Variants in EYS observed in about 807,000 individuals in gnomAD.
The protein encoded by EYS is EGF-like photoreceptor maintenance factor, also known as protein eyes shut homolog.
A neutral mutation model predicts 282.1 loss-of-function variants in EYS; 250 were observed. That is an observed-to-expected ratio of 0.89 (90% CI 0.80 to 0.98). EYS has a LOEUF of 0.98. Among genes scored for constraint, EYS ranks in the 50% least tolerant of loss-of-function variants. The pLI is 0.00. For synonymous variants in EYS, 1,355 were observed against 1,282.9 expected (o/e 1.06, Z -1.20); for missense variants, 4,016 against 3,709.0 (o/e 1.08, Z -2.15).
chr6:65,145,098 A>G (rs1764443980), intron 12 of EYS, among the ~76,000 whole-genome samples: 1 of 151,542 alleles, frequency 6.6e-6, no homozygotes. Flanking sequence ...CACACACACC[A>G]TTCTTCACCT....
At chr6:64,394,634 G>A (rs933766857) in intron 28 of EYS, among the ~76,000 whole-genome samples, 13 of 151,736 alleles carry the variant, frequency 8.6e-5, no homozygotes, top group African/African-American at 3.2e-4. Flanking sequence ...ATCAATTCAA[G>A]ATGGATTAAA....
At position 64,682,393 on chromosome 6, in the gene EYS, C is replaced by A. The variant is rs567876834; in HGVS notation, c.3444-56148G>T. ...AAAACAACAAAAACAACAACAACAACAACAAAAAGTGATTCACTGGCAGTG... is the reference window on the plus strand; with the variant it reads ...AAAACAACAAAAACAACAACAACAAAAACAAAAAGTGATTCACTGGCAGTG... On this transcript the variant is annotated intron_variant, in intron 22 of 42. Coordinates refer to ENST00000503581, the MANE Select transcript of EYS (RefSeq NM_001142800.2). 1.6e-3 allele frequency among the ~76,000 whole-genome samples: 241 copies of A among 152,042 alleles called. 1 individual carries two copies. Among genetic ancestry groups the A allele is most frequent in the African/African-American group, 5.6e-3 (232 of 41,486 alleles).
intron 22 of EYS, among the ~76,000 whole-genome samples, chr6:64,744,857 G>C (rs956231940): frequency 6.6e-6 from 1 of 152,034 alleles, no homozygotes; most frequent in Non-Finnish European, 1.5e-5. Flanking sequence ...CACACTAAAA[G>C]CTCTTAAACA....
At chr6:65,697,560 G>A (rs1769499269) in intron 1 of EYS, among the ~76,000 whole-genome samples, 1 of 151,952 alleles carries the variant, frequency 6.6e-6, no homozygotes, top group Non-Finnish European at 1.5e-5. Context: ...CAACAGCTCT[G>A]CATTTTATTT....
intron 13 of EYS, among the ~76,000 whole-genome samples, chr6:65,016,730 A>G (rs73437263): frequency 0.01 from 1,581 of 152,298 alleles, 28 homozygotes; most frequent in African/African-American, 0.036. Context: ...CAGTAATATC[A>G]AAGGACATAT....
At chr6:65,604,054 G>A (rs150059891) in intron 2 of EYS, among the ~76,000 whole-genome samples, 57 of 151,496 alleles carry the variant, frequency 3.8e-4, no homozygotes, top group Non-Finnish European at 4.6e-4. Context: ...CAATAGATGC[G>A]GAAAAAATAG....
chr6:65,029,062 A>G (rs559827183), intron 13 of EYS, among the ~76,000 whole-genome samples: 1 of 152,276 alleles, frequency 6.6e-6, no homozygotes. Context: ...TAGCCAGTGG[A>G]AAACCTGTAG....
At chr6:65,334,941 T>G in intron 11 of EYS, 39 bp downstream of exon 11, 1 of 1,563,436 alleles carries the variant, frequency 6.4e-7, no homozygotes, top group Non-Finnish European at 8.8e-7. Flanking sequence ...TATAACTTTT[T>G]GATATGTGAT....
At chr6:63,778,284 G>T in intron 39 of EYS, 104 bp from the exon 40 acceptor site, 1 of 1,154,230 alleles carries the variant, frequency 8.7e-7, no homozygotes, top group Non-Finnish European at 1.2e-6. Context: ...TCAAAATAAA[G>T]TAATACATGT....
chr6:64,053,202 A>G (rs1412966655), intron 33 of EYS, among the ~76,000 whole-genome samples: 1 of 152,142 alleles, frequency 6.6e-6, no homozygotes, highest in Non-Finnish European at 1.5e-5. Flanking sequence ...CAAAATTAGA[A>G]TAAAACTTTT....
chr6:64,619,431 C>T (rs1767376177), intron 23 of EYS, among the ~76,000 whole-genome samples: 1 of 151,956 alleles, frequency 6.6e-6, no homozygotes, highest in African/African-American at 2.4e-5. Context: ...TTGTACTCAA[C>T]CCCACTAAAA....
At chr6:64,504,018 T>C (rs1260650981) in intron 26 of EYS, among the ~76,000 whole-genome samples, 1 of 152,172 alleles carries the variant, frequency 6.6e-6, no homozygotes, top group East Asian at 1.9e-4. Flanking sequence ...TCCTGAGGGC[T>C]CCCAGTGATG....
intron 12 of EYS, among the ~76,000 whole-genome samples, chr6:65,128,453 A>C (rs1192029165): frequency 6.6e-6 from 1 of 152,034 alleles, no homozygotes; most frequent in African/African-American, 2.4e-5. Context: ...AAAAGCTCCT[A>C]GAACTGATAG....
At chr6:65,481,016 A>G (rs1016857429) in intron 5 of EYS, among the ~76,000 whole-genome samples, 1 of 152,124 alleles carries the variant, frequency 6.6e-6, no homozygotes, top group African/African-American at 2.4e-5. Context: ...TTATAGCTAG[A>G]TAGAAGGAAT....
rs148437474 is a variant in EYS at position 64,607,265 on chromosome 6, C to T, written c.3684+10153G>A. 4.9e-4 allele frequency among the ~76,000 whole-genome samples: 73 copies of T among 149,824 alleles called. 1 individual carries two copies. Among genetic ancestry groups the T allele is most frequent in the Middle Eastern group, 6.9e-3 (2 of 290 alleles). Reference sequence around the variant, plus strand: ...GTTCCATTTGTTATCATGTAAGAACCATGTGAAGAAAAGAAGTTTTGGTTA... The same window carrying T: ...GTTCCATTTGTTATCATGTAAGAACTATGTGAAGAAAAGAAGTTTTGGTTA... On this transcript the variant is annotated intron_variant, in intron 24 of 42. Coordinates refer to ENST00000503581, the MANE Select transcript of EYS (RefSeq NM_001142800.2).
At chr6:64,226,057 G>A (rs1766244839) in intron 31 of EYS, among the ~76,000 whole-genome samples, 1 of 152,248 alleles carries the variant, frequency 6.6e-6, no homozygotes, top group South Asian at 2.1e-4. Context: ...TAGACCATCA[G>A]TTCTCTGGAA....
At chr6:64,466,901 TA>T (rs1293330542) in intron 26 of EYS, among the ~76,000 whole-genome samples, 2 of 152,054 alleles carry the variant, frequency 1.3e-5, no homozygotes, top group African/African-American at 4.8e-5. Context: ...TTTAAAATTC[TA>T]AAAAAATCTG....
At chr6:65,171,650 A>G (rs1285245763) in intron 12 of EYS, among the ~76,000 whole-genome samples, 1 of 151,460 alleles carries the variant, frequency 6.6e-6, no homozygotes, top group Non-Finnish European at 1.5e-5. Flanking sequence ...AAAACAATCA[A>G]AACTCTGCCA....
intron 12 of EYS, among the ~76,000 whole-genome samples, chr6:65,071,490 C>T (rs1172585009): frequency 2.6e-5 from 4 of 151,624 alleles, no homozygotes; most frequent in Non-Finnish European, 4.4e-5. Flanking sequence ...CATCTAATAA[C>T]AGGCAGATCA....
Sources: allele counts gnomAD v4.1 joint callset (sites outside exome capture counted in the v4.1 genomes callset), GRCh38; gene constraint gnomAD v4.1.1; transcripts MANE v1.5; gene names NCBI Gene and HGNC (gene_info 2026-07-23, HGNC 2026-07-21).